Variants in DLGAP2 observed in about 807,000 individuals in gnomAD.
DLGAP2 encodes the protein disks large-associated protein 2.
In DLGAP2, 26 loss-of-function variants were observed where a neutral mutation model predicts 100.3. That is an observed-to-expected ratio of 0.26 (90% CI 0.19 to 0.36). The LOEUF (loss-of-function observed/expected upper bound fraction) is 0.36. Ranked by LOEUF, DLGAP2 falls within the 10% of genes least tolerant of loss-of-function variation. DLGAP2 has a pLI of 1.00. For synonymous variants in DLGAP2, 886 were observed against 630.1 expected (o/e 1.41, Z -6.08); for missense variants, 1,858 against 1,453.2 (o/e 1.28, Z -4.53).
chr8:1,294,057 A>T (rs4876022), intron 3 of DLGAP2, among the ~76,000 whole-genome samples: 45,021 of 152,002 alleles, frequency 0.3, 6,816 homozygotes, highest in South Asian at 0.36. Flanking sequence ...GGCAGAGGGG[A>T]ATGGACTCGC....
chr8:982,434 G>T (rs1800363944), intron 2 of DLGAP2, among the ~76,000 whole-genome samples: 1 of 152,184 alleles, frequency 6.6e-6, no homozygotes, highest in African/African-American at 2.4e-5. Context: ...TTAGCAATCA[G>T]TCGATGGTTT....
At chr8:996,347 GTCACCAT>G (rs1325175835) in intron 2 of DLGAP2, among the ~76,000 whole-genome samples, 2 of 152,186 alleles carry the variant, frequency 1.3e-5, no homozygotes, top group Non-Finnish European at 1.5e-5. Context: ...GGGCCCCAGT[GTCACCAT>G]GGGAACAGGG....
intron 3 of DLGAP2, among the ~76,000 whole-genome samples, chr8:1,366,303 A>T (rs541212880): frequency 6.6e-6 from 1 of 152,366 alleles, no homozygotes; most frequent in Non-Finnish European, 1.5e-5. Context: ...GACTGGAGAT[A>T]CAGGTGCATG....
At chr8:1,658,450 G>T (rs1239187742) in intron 8 of DLGAP2, among the ~76,000 whole-genome samples, 1 of 152,028 alleles carries the variant, frequency 6.6e-6, no homozygotes, top group Admixed American at 6.6e-5. Flanking sequence ...GTTTTGTTAC[G>T]TAGGCTATGG....
At position 1,195,744 on chromosome 8, in the gene DLGAP2, G is replaced by C. The variant is rs554327613; in HGVS notation, c.74-63107G>C. Among the ~76,000 whole-genome samples, 9 of 152,332 alleles carry C rather than the reference G, an allele frequency of 5.9e-5. No individual in the cohort carries two copies. In the South Asian group the frequency reaches 1.9e-3, roughly 32 times the overall value. On this transcript the variant is annotated intron_variant, in intron 2 of 14. Coordinates refer to ENST00000637795, the MANE Select transcript of DLGAP2 (RefSeq NM_001346810.2). ...ACGTTTGTTTAATTTTAGTTACACAGATAATCGCATCACCATCGTTGCTCA... is the reference window on the plus strand; with the variant it reads ...ACGTTTGTTTAATTTTAGTTACACACATAATCGCATCACCATCGTTGCTCA...
intron 6 of DLGAP2, among the ~76,000 whole-genome samples, chr8:1,623,491 C>G (rs1324604690): frequency 1.3e-5 from 2 of 151,586 alleles, no homozygotes; most frequent in African/African-American, 2.4e-5. Flanking sequence ...TGCACGATGA[C>G]CTGGCACCAG....
intron 2 of DLGAP2, among the ~76,000 whole-genome samples, chr8:1,042,472 T>C (rs1802381243): frequency 6.6e-6 from 1 of 152,224 alleles, no homozygotes; most frequent in African/African-American, 2.4e-5. Flanking sequence ...AAGGAAGCCG[T>C]AGGCCTGCAG....
chr8:807,712 C>A (rs1362708461), intron 1 of DLGAP2, among the ~76,000 whole-genome samples: 2 of 152,160 alleles, frequency 1.3e-5, no homozygotes, highest in East Asian at 3.9e-4. Flanking sequence ...GTAGATGCAA[C>A]ACTTATGTGT....
At chr8:1,477,660 T>C (rs1798973432) in intron 3 of DLGAP2, among the ~76,000 whole-genome samples, 1 of 152,226 alleles carries the variant, frequency 6.6e-6, no homozygotes, top group Admixed American at 6.5e-5. Context: ...CCCAGGAATG[T>C]GCATCCAAAG....
chr8:1,077,107 C>T (rs1380319124), intron 2 of DLGAP2, among the ~76,000 whole-genome samples: 2 of 152,288 alleles, frequency 1.3e-5, no homozygotes, highest in Middle Eastern at 6.8e-3. Flanking sequence ...TTTGGGGTTC[C>T]GTGGCCTGAT....
chr8:1,135,967 G>C (rs1796401739), intron 2 of DLGAP2, among the ~76,000 whole-genome samples: 1 of 152,216 alleles, frequency 6.6e-6, no homozygotes, highest in African/African-American at 2.4e-5. Flanking sequence ...CTTGGCCACA[G>C]AGCACAGAAT....
intron 2 of DLGAP2, among the ~76,000 whole-genome samples, chr8:1,198,428 G>A (rs1797800662): frequency 6.6e-6 from 1 of 152,136 alleles, no homozygotes; most frequent in Non-Finnish European, 1.5e-5. Flanking sequence ...TGTGCAGAGG[G>A]AGCGCAGGTG....
At chr8:1,044,454 C>T (rs12674604) in intron 2 of DLGAP2, among the ~76,000 whole-genome samples, 90,770 of 152,052 alleles carry the variant, frequency 0.6, 27,153 homozygotes, top group African/African-American at 0.61. Flanking sequence ...TTGGTCTCAC[C>T]GCACCTGCGT....
At chr8:1,122,326 C>T (rs1052766582) in intron 2 of DLGAP2, among the ~76,000 whole-genome samples, 1 of 152,162 alleles carries the variant, frequency 6.6e-6, no homozygotes, top group Non-Finnish European at 1.5e-5. Flanking sequence ...CTGAAAGAAC[C>T]TCTGAGTCAC....
chr8:969,149 G>C (rs1437388453), intron 2 of DLGAP2, among the ~76,000 whole-genome samples: 1 of 152,130 alleles, frequency 6.6e-6, no homozygotes, highest in African/African-American at 2.4e-5. Flanking sequence ...GGGGGGATGG[G>C]CTCACGCAAT....
chr8:1,274,261 C>T (rs887377851), intron 3 of DLGAP2, among the ~76,000 whole-genome samples: 1 of 152,028 alleles, frequency 6.6e-6, no homozygotes, highest in Non-Finnish European at 1.5e-5. Context: ...CTTCCCCACC[C>T]ACCATAAGTG....
chr8:1,490,281 C>G (rs1009045714), intron 3 of DLGAP2, among the ~76,000 whole-genome samples: 2 of 152,202 alleles, frequency 1.3e-5, no homozygotes, highest in Non-Finnish European at 1.5e-5. Flanking sequence ...ATAATTAGAG[C>G]TGTGATTGCT....
intron 3 of DLGAP2, among the ~76,000 whole-genome samples, chr8:1,427,303 C>T (rs563140832): frequency 6.4e-4 from 97 of 152,224 alleles, no homozygotes; most frequent in African/African-American, 2.0e-3. Context: ...AACAACACAA[C>T]GACAAATGTA....
intron 3 of DLGAP2, among the ~76,000 whole-genome samples, chr8:1,470,727 C>T (rs1378355952): frequency 8.7e-6 from 1 of 115,408 alleles, no homozygotes; most frequent in Admixed American, 9.8e-5. Flanking sequence ...TCACCGACCA[C>T]GGCCTCCCCT....
Sources: gnomAD v4.1 joint callset for allele counts (sites outside exome capture counted in the v4.1 genomes callset) on GRCh38, gnomAD v4.1.1 for gene constraint, MANE v1.5 for transcripts, NCBI Gene and HGNC (gene_info 2026-07-23, HGNC 2026-07-21) for gene names.